PALLD: variants seen among roughly 807,000 people sequenced by gnomAD.
PALLD encodes palladin.
In PALLD, 61 loss-of-function variants were observed where a neutral mutation model predicts 123.5. The ratio of observed to expected loss-of-function variants is 0.49; its 90% CI spans 0.40 to 0.61. The LOEUF (loss-of-function observed/expected upper bound fraction) is 0.61, where lower values mean the gene tolerates loss of function less well. Ranked by LOEUF, PALLD falls within the 20% of genes least tolerant of loss-of-function variation. PALLD has a pLI of 0.00. For synonymous variants in PALLD, 465 were observed against 496.4 expected, an observed-to-expected ratio of 0.94 and a Z score of 0.84; for missense variants, 1,273 against 1,377.0, an observed-to-expected ratio of 0.92 and a Z score of 1.20.
chr4:168,840,645 A>T (rs955121190), intron 10 of PALLD, among the ~76,000 whole-genome samples: 2 of 152,172 alleles, frequency 1.3e-5, no homozygotes, highest in Non-Finnish European at 2.9e-5. Context: ...AGCTCACCTA[A>T]AAGTTATTTG....
Position 168,859,673 on chromosome 4 carries a change from T to C in PALLD, c.1965-31249T>C, listed in dbSNP as rs553088640. Among the ~76,000 whole-genome samples the C allele has an allele frequency of 3.3e-4, 50 of 152,272 alleles. 1 individual carries two copies. The South Asian group carries it at 7.5e-3, about 23-fold the overall frequency. On this transcript the variant is annotated intron_variant, in intron 10 of 21. Transcript: ENST00000505667. ...GCTCTGCTGTATAATTCCTGTTCAG[T>C]AGAGCATCTGGCGAACCTCTAGTAG...
chr4:168,694,207 C>T (rs1428896632), intron 8 of PALLD, among the ~76,000 whole-genome samples: 1 of 152,188 alleles, frequency 6.6e-6, no homozygotes, highest in Non-Finnish European at 1.5e-5. Flanking sequence ...TCCCTAAAAA[C>T]TGTTTTCTTA....
intron 2 of PALLD, among the ~76,000 whole-genome samples, chr4:168,663,032 A>G (rs772214140): frequency 1.3e-5 from 2 of 152,200 alleles, no homozygotes; most frequent in Non-Finnish European, 2.9e-5. Context: ...GCCTCTCTCC[A>G]TATATATTTT....
intron 2 of PALLD, among the ~76,000 whole-genome samples, chr4:168,580,732 A>T (rs917994247): frequency 6.6e-6 from 1 of 152,116 alleles, no homozygotes; most frequent in Non-Finnish European, 1.5e-5. Context: ...CTAAATGCCC[A>T]TCAGTGGTAG....
intron 10 of PALLD, among the ~76,000 whole-genome samples, chr4:168,762,728 A>G (rs1039542389): frequency 1.3e-5 from 2 of 152,222 alleles, no homozygotes; most frequent in East Asian, 1.9e-4. Context: ...ACGCACACGT[A>G]TGTTTATTGC....
chr4:168,804,070 G>T (rs1193701787), intron 10 of PALLD, among the ~76,000 whole-genome samples: 2 of 152,188 alleles, frequency 1.3e-5, no homozygotes, highest in African/African-American at 4.8e-5. Context: ...TTACTCACTG[G>T]TGTGGGAACA....
intron 2 of PALLD, among the ~76,000 whole-genome samples, chr4:168,563,131 G>A (rs1768027159): frequency 6.6e-6 from 1 of 152,140 alleles, no homozygotes; most frequent in Non-Finnish European, 1.5e-5. Context: ...GCTGAAATGG[G>A]AACAACTGGT....
chr4:168,831,943 G>A lies in PALLD; in HGVS notation c.1965-58979G>A, dbSNP rs541329964. 37 of 937,162 alleles carry A rather than the reference G, an allele frequency of 3.9e-5. No homozygotes were observed. In the South Asian group the frequency reaches 1.7e-3, roughly 42 times the overall value. 58.1% of individuals were successfully genotyped at this position (937,162 alleles called of 1,614,324 possible). On this transcript the variant is annotated intron_variant, in intron 10 of 21. Transcript: ENST00000505667. ...GTGCGGGGAAGCCTCCCTAACCTGG[G>A]GGCCGCGTCCCAGAGCTGCGAGCCA...
chr4:168,551,146 T>C (rs968974664), intron 2 of PALLD, among the ~76,000 whole-genome samples: 1 of 152,222 alleles, frequency 6.6e-6, no homozygotes, highest in Non-Finnish European at 1.5e-5. Flanking sequence ...AATTGGGTAG[T>C]CTGTTTTTTT....
chr4:168,745,641 G>A (rs1193715694), intron 10 of PALLD, among the ~76,000 whole-genome samples: 1 of 152,100 alleles, frequency 6.6e-6, no homozygotes, highest in Non-Finnish European at 1.5e-5. Context: ...ACACATTCTA[G>A]TGTGTTAGGA....
chr4:168,804,890 G>A (rs1439777299), intron 10 of PALLD, among the ~76,000 whole-genome samples: 1 of 152,014 alleles, frequency 6.6e-6, no homozygotes, highest in African/African-American at 2.4e-5. Flanking sequence ...GCCGGGTGTG[G>A]TGGCTCACAC....
At chr4:168,673,512 G>A (rs966636070) in intron 3 of PALLD, among the ~76,000 whole-genome samples, 2 of 152,214 alleles carry the variant, frequency 1.3e-5, no homozygotes, top group African/African-American at 4.8e-5. Flanking sequence ...GGGGTATGCC[G>A]GACACAGGGC....
chr4:168,658,692 C>A (rs2149963942), intron 2 of PALLD, among the ~76,000 whole-genome samples: 1 of 151,630 alleles, frequency 6.6e-6, no homozygotes, highest in African/African-American at 2.4e-5. Flanking sequence ...AAGATAAAAT[C>A]ATTTTTGTAG....
At chr4:168,899,364 G>A (rs1755949674) in intron 14 of PALLD, among the ~76,000 whole-genome samples, 1 of 151,990 alleles carries the variant, frequency 6.6e-6, no homozygotes, top group African/African-American at 2.4e-5. Context: ...GTAAACAGGA[G>A]TACACTTTTC....
At chr4:168,853,602 G>A (rs949291701) in intron 10 of PALLD, among the ~76,000 whole-genome samples, 5 of 152,130 alleles carry the variant, frequency 3.3e-5, no homozygotes, top group Non-Finnish European at 7.4e-5. Flanking sequence ...CTAAATGGGA[G>A]ACAGAGACAG....
intron 4 of PALLD, among the ~76,000 whole-genome samples, chr4:168,682,314 A>G (rs536652581): frequency 1.4e-4 from 22 of 152,318 alleles, no homozygotes; most frequent in African/African-American, 5.1e-4. Context: ...TCAGCATCAA[A>G]TAATCAGTGA....
chr4:168,719,523 G>A (rs2150252152), intron 10 of PALLD, among the ~76,000 whole-genome samples: 1 of 152,200 alleles, frequency 6.6e-6, no homozygotes, highest in South Asian at 2.1e-4. Flanking sequence ...GCCTCCTCAA[G>A]TGCTAGGATT....
chr4:168,706,365 C>T (rs112813498), intron 8 of PALLD, among the ~76,000 whole-genome samples: 1 of 152,128 alleles, frequency 6.6e-6, no homozygotes, highest in South Asian at 2.1e-4. Flanking sequence ...GTTTTTCACA[C>T]CCCATTCAAA....
intron 10 of PALLD, among the ~76,000 whole-genome samples, chr4:168,861,296 G>A (rs544779691): frequency 6.9e-6 from 1 of 145,592 alleles, no homozygotes; most frequent in African/African-American, 2.5e-5. Flanking sequence ...AAAAAACTAA[G>A]TAAAAAAGCA....
Sources: gnomAD v4.1 joint callset for allele counts (sites outside exome capture counted in the v4.1 genomes callset) on GRCh38, gnomAD v4.1.1 for gene constraint, MANE v1.5 for transcripts, NCBI Gene and HGNC (gene_info 2026-07-23, HGNC 2026-07-21) for gene names.